Variants in NOP2 observed in about 807,000 individuals in gnomAD.
NOP2 encodes NOP2 nucleolar protein.
NOP2 carries 7 observed loss-of-function variants against 72.7 expected under a neutral mutation model. The observed-to-expected ratio is 0.10, with a 90% CI of 0.05 to 0.18. The LOEUF (loss-of-function observed/expected upper bound fraction) is 0.18. NOP2 is among the 10% of genes least tolerant of loss of function. NOP2 has a pLI of 1.00. For synonymous variants in NOP2, 387 were observed against 388.0 expected, an observed-to-expected ratio of 1.00 and a Z score of 0.03; for missense variants, 954 against 1,014.7, an observed-to-expected ratio of 0.94 and a Z score of 0.81.
At chr12:6,567,429 T>C (rs990539632) in intron 2 of NOP2, 8 of 218,206 alleles carry the variant, frequency 3.7e-5, no homozygotes, top group South Asian at 2.3e-4. Flanking sequence ...ATCCGTGCTT[T>C]TCCATTTCCA....
intron 9 of NOP2, among the ~76,000 whole-genome samples, chr12:6,562,189 C>T (rs949436847): frequency 6.6e-6 from 1 of 152,030 alleles, no homozygotes; most frequent in African/African-American, 2.4e-5. Context: ...GGGGTTTCAC[C>T]ATGTTGGCCA....
Position 6,560,101 on chromosome 12 carries a change from T to G in NOP2, c.1786A>C (p.Thr596Pro), listed in dbSNP as rs574567203. The change falls in exon 15 of 16, where the codon ACA becomes CCA. Residue 596 changes from threonine (T) to proline (P), a missense_variant. Thr to Pro is a conservative substitution (Grantham distance 38, BLOSUM62 -1). Coordinates refer to ENST00000322166, the MANE Select transcript of NOP2 (RefSeq NM_001258308.2). This position sits in a 1 kb window ranked among gnomAD's most constrained non-coding sequence, Gnocchi z 5.0. ...KFSNSIPQSQTGNSETATPTN... is the reference protein window; with the variant it reads ...KFSNSIPQSQPGNSETATPTN... Reference sequence around the variant, plus strand: ...AGGGAAGAAAAAGATTACTTACCTGTCTGGGACTGAGGGATAGAATTGGAA... The same window carrying G: ...AGGGAAGAAAAAGATTACTTACCTGGCTGGGACTGAGGGATAGAATTGGAA... 1.2e-6 allele frequency: 2 copies of G among 1,609,252 alleles called. No homozygotes were observed. Among genetic ancestry groups the G allele is most frequent in the East Asian group, 4.5e-5 (2 of 44,870 alleles).
chr12:6,563,703 G>A lies in NOP2; in HGVS notation c.599C>T (p.Pro200Leu). ...CCCATCTGCCTCTTCCACCTTTGGG[G>A]GGCCTGACTCAGGGGTCACTTCTTT... ...EEKEVTPESG[P>L]PKVEEADGGL... The change falls in exon 7 of 16, where the codon CCC becomes CTC. Residue 200 changes from proline (P) to leucine (L), a missense_variant. This residue lies in a region of NOP2 where 498 missense variants were observed against 478.3 expected (regional missense o/e 1.04). Coordinates refer to ENST00000322166, the MANE Select transcript of NOP2 (RefSeq NM_001258308.2). 6.2e-7 allele frequency: 1 copy of A among 1,613,640 alleles called. No individual in the cohort carries two copies. Among genetic ancestry groups the A allele is most frequent in the South Asian group, 1.1e-5 (1 of 91,006 alleles).
chr12:6,567,108 C>T (rs1267252776), intron 2 of NOP2, among the ~76,000 whole-genome samples: 4 of 152,008 alleles, frequency 2.6e-5, no homozygotes, highest in Admixed American at 2.6e-4. Flanking sequence ...CATCACCACA[C>T]CCAGCTAATT....
At position 6,566,573 on chromosome 12, in the gene NOP2, T is replaced by C. The variant is rs200542388; in HGVS notation, c.194A>G (p.Asn65Ser). Residue 65 changes from asparagine to serine, a missense_variant, in exon 4 of 16, where the codon AAT becomes AGT. Asn to Ser is a conservative substitution (Grantham distance 46). Transcript: ENST00000322166. ...RLGSVEAPKT[N>S]KSPEAKPLPG... ...CAATGGTTTGGCCTCAGGAGACTTA[T>C]TTGTCTTAGGGGCTTCAACAGAGCC... 6.6e-4 allele frequency: 1,063 copies of C among 1,613,884 alleles called. No individual in the cohort carries two copies. Among genetic ancestry groups the C allele is most frequent in the Non-Finnish European group, 8.3e-4 (984 of 1,179,908 alleles).
intron 5 of NOP2, among the ~76,000 whole-genome samples, chr12:6,565,109 G>A (rs962481595): frequency 1.3e-5 from 2 of 151,586 alleles, no homozygotes; most frequent in Non-Finnish European, 2.9e-5. Context: ...TGACATTTTG[G>A]ATCATCTTCC....
intron 1 of NOP2, 140 bp from the exon 2 acceptor site, chr12:6,568,062 C>G (rs1034072909): frequency 3.1e-6 from 2 of 635,624 alleles, no homozygotes; most frequent in Non-Finnish European, 5.5e-6. Flanking sequence ...CGACTCAGCA[C>G]CCGCGACTCA....
rs551573004 is a variant in NOP2 at position 6,557,498 on chromosome 12, G to A, written c.1934C>T (p.Ala645Val). 3.7e-6 allele frequency: 6 copies of A among 1,613,970 alleles called. No individual in the cohort carries two copies. In the East Asian group the frequency reaches 8.9e-5, roughly 24 times the overall value. ...QLQKQQHPKKASFQKLNGISK... is the reference protein window; with the variant it reads ...QLQKQQHPKKVSFQKLNGISK... ...GATGCCATTCAGCTTCTGGAAGGAG[G>A]CCTTCTTGGGATGTTGCTGTTTCTG... The change falls in exon 16 of 16, where the codon GCC (alanine) becomes GTC (valine). Residue 645 changes from alanine to valine, a missense_variant. Ala to Val is a moderately conservative substitution (Grantham distance 64, BLOSUM62 0). Transcript: ENST00000322166.
Position 6,563,436 on chromosome 12 carries a change from T to C in NOP2, c.767A>G (p.Gln256Arg). ...IVGILRDFGA[Q>R]REEGRSRSEY... ...AGAACGAGACCGCCCTTCCTCCCGC[T>C]GAGCCCCAAAATCACGCAGAATTCC... Residue 256 changes from glutamine (Q) to arginine (R), a missense_variant, in exon 8 of 16, where the codon CAG becomes CGG. By Grantham distance (43) the Gln-to-Arg change is conservative. This residue lies in a region of NOP2 where 498 missense variants were observed against 478.3 expected (regional missense o/e 1.04). Coordinates refer to ENST00000322166, the MANE Select transcript of NOP2 (RefSeq NM_001258308.2). 6.2e-7 allele frequency: 1 copy of C among 1,610,466 alleles called. No homozygotes were observed. Among genetic ancestry groups the C allele is most frequent in the Non-Finnish European group, 8.5e-7 (1 of 1,178,386 alleles).
In NOP2 at chr12:6,558,547, GAGCCACCACGCCC is replaced by G; in HGVS notation, c.1790-918_1790-906del. Among the ~76,000 whole-genome samples, 4 of 151,856 alleles carry G rather than the reference GAGCCACCACGCCC, an allele frequency of 2.6e-5. No homozygotes were observed. The South Asian group carries it at 6.3e-4, about 24-fold the overall frequency. Reference sequence around the variant, plus strand: ...CCCAAAGTGCTGGGGTTACAGGCGCGAGCCACCACGCCCGGCCTCGCAGGGTCTTCTAAATGAA... The same window carrying G: ...CCCAAAGTGCTGGGGTTACAGGCGCGGGCCTCGCAGGGTCTTCTAAATGAA... On this transcript the variant is annotated intron_variant, in intron 15 of 15. Transcript: ENST00000322166.
Position 6,566,629 on chromosome 12 carries a change from C to A in NOP2, c.150-12G>T. 6.2e-7 allele frequency: 1 copy of A among 1,613,180 alleles called. No individual in the cohort carries two copies. The highest frequency in any genetic ancestry group is 1.7e-5 in the Admixed American group (1 of 59,990). On this transcript the variant is annotated splice_polypyrimidine_tract_variant and intron_variant, in intron 3 of 15. Transcript: ENST00000322166. Reference sequence around the variant, plus strand: ...TCCTCTTGGCTGCCCTGAAAAGACACAAGAGATTCAAGGAGTGAAGAAATG... The same window carrying A: ...TCCTCTTGGCTGCCCTGAAAAGACAAAAGAGATTCAAGGAGTGAAGAAATG...
Position 6,565,607 on chromosome 12 carries a change from T to G in NOP2, c.474+494A>C, listed in dbSNP as rs188227567. On this transcript the variant is annotated intron_variant, in intron 5 of 15. Transcript: ENST00000322166. ...CGCCCACCTTGGCCTCCCAAAGTGC[T>G]AGGATTATAGGCATGAGCCACTGTG... 1.3e-3 allele frequency among the ~76,000 whole-genome samples: 200 copies of G among 152,268 alleles called. 1 individual carries two copies. The highest frequency in any genetic ancestry group is 6.8e-3 in the Middle Eastern group (2 of 294).
rs1592247189 is a variant in NOP2, at chr12:6,566,160, C to T, written c.415G>A (p.Asp139Asn). 1.2e-6 allele frequency: 2 copies of T among 1,613,994 alleles called. No individual in the cohort carries two copies. Among genetic ancestry groups the T allele is most frequent in the East Asian group, 2.2e-5 (1 of 44,886 alleles). Residue 139 changes from aspartate (D) to asparagine (N), a missense_variant, in exon 5 of 16, where the codon GAT becomes AAT. By Grantham distance (23) the Asp-to-Asn change is conservative (BLOSUM62 1). Around this residue, in one of 3 missense-constraint regions of NOP2, gnomAD observed 498 missense variants for 478.3 expected, o/e 1.04. Transcript: ENST00000322166. Reference sequence around the variant, plus strand: ...TCAGCTCCATAGTCATCTACCGTATCAGCATCGTCCTCGGAGCCCCAGAGG... The same window carrying T: ...TCAGCTCCATAGTCATCTACCGTATTAGCATCGTCCTCGGAGCCCCAGAGG... The part of the protein sequence containing the change: ...GDLWGSEDDA[D>N]TVDDYGADSN...
intron 5 of NOP2, among the ~76,000 whole-genome samples, chr12:6,564,764 G>C (rs1317820956): frequency 7.0e-6 from 1 of 143,192 alleles, no homozygotes; most frequent in South Asian, 2.2e-4. Flanking sequence ...TACTTACTCT[G>C]TATTTTTCAC....
chr12:6,566,699 G>C (rs1422234501), intron 3 of NOP2, 78 bp downstream of exon 3: 2 of 1,582,414 alleles, frequency 1.3e-6, no homozygotes, highest in African/African-American at 1.3e-5. Flanking sequence ...AGGGAAATGT[G>C]AGAGTCTAGA....
At chr12:6,566,970 A>G (rs561320364) in intron 2 of NOP2, 148 bp from the exon 3 acceptor site, 3 of 692,134 alleles carry the variant, frequency 4.3e-6, no homozygotes, top group African/African-American at 3.7e-5. Context: ...ATAACTGTAT[A>G]CAAGTTTCTT....
In NOP2 at chr12:6,557,529, G is replaced by A; in HGVS notation, c.1903C>T (p.Gln635Ter). 2.5e-6 allele frequency: 4 copies of A among 1,613,956 alleles called. No homozygotes were observed. The highest frequency in any genetic ancestry group is 2.5e-6 in the Non-Finnish European group (3 of 1,179,878). ...KAKGAAKTKQ[Q>*]LQKQQHPKKA... is the part of the protein sequence containing the mutation. ...TTGGGATGTTGCTGTTTCTGCAGCT[G>A]CTGCTTTGTCTTTGCAGCCCCCTTG... is the stretch of plus-strand genomic sequence containing the variant. The change falls in exon 16 of 16, where the codon CAG (glutamine) becomes TAG (stop). Residue 635 changes from glutamine to a stop codon, truncating the protein, a stop_gained. Coordinates refer to ENST00000322166, the MANE Select transcript of NOP2 (RefSeq NM_001258308.2). LOFTEE classifies it low-confidence loss of function (END_TRUNC).
At chr12:6,559,883 CCTCCAT>C (rs2136169173) in intron 15 of NOP2, among the ~76,000 whole-genome samples, 1 of 152,346 alleles carries the variant, frequency 6.6e-6, no homozygotes. Context: ...AAGGAACAGG[CCTCCAT>C]CCATATGAAC....
At chr12:6,565,495 C>T (rs1947755275) in intron 5 of NOP2, among the ~76,000 whole-genome samples, 1 of 152,148 alleles carries the variant, frequency 6.6e-6, no homozygotes, top group Non-Finnish European at 1.5e-5. Context: ...CATATACCAC[C>T]ACACCAGCTA....
Sources: allele counts gnomAD v4.1 joint callset (sites outside exome capture counted in the v4.1 genomes callset), GRCh38; gene constraint gnomAD v4.1.1; regional missense constraint gnomAD v4.1.1; non-coding constraint Gnocchi (gnomAD v3.1); transcripts MANE v1.5; gene names NCBI Gene and HGNC (gene_info 2026-07-23, HGNC 2026-07-21).